The following ADAR variants were observed in gnomAD, a reference collection of about 807,000 sequenced individuals.
The protein encoded by ADAR is adenosine deaminase RNA specific, also known as double-stranded RNA-specific adenosine deaminase.
In ADAR, 41 loss-of-function variants were observed where a neutral mutation model predicts 113.2. The observed-to-expected ratio is 0.36, with a 90% confidence interval of 0.28 to 0.47. The LOEUF is 0.47. ADAR is among the 20% of genes least tolerant of loss of function. ADAR has a pLI of 1.00. For missense variants in ADAR, 1,242 were observed against 1,540.9 expected, an observed-to-expected ratio of 0.81 and a Z score of 3.25; for synonymous variants, 605 against 572.6, an observed-to-expected ratio of 1.06 and a Z score of -0.81.
At chr1:154,610,987 G>A (rs377402288), upstream of ADAR, among the ~76,000 whole-genome samples, 109 of 151,988 alleles carry the variant, frequency 7.2e-4, no homozygotes, top group East Asian at 6.6e-3. Context: ...ATACATTTAC[G>A]TTTTATTCAT....
intron 6 of ADAR, among the ~76,000 whole-genome samples, chr1:154,594,378 A>C (rs1697362666): frequency 6.6e-6 from 1 of 152,198 alleles, no homozygotes; most frequent in African/African-American, 2.4e-5. Flanking sequence ...TCCTTCAAGA[A>C]AATATTCTAG....
intron 6 of ADAR, among the ~76,000 whole-genome samples, chr1:154,592,330 C>T (rs1299519858): frequency 6.6e-6 from 1 of 152,232 alleles, no homozygotes; most frequent in African/African-American, 2.4e-5. Flanking sequence ...CTCGCTGCAA[C>T]TCCAGCCCTT....
chr1:154,619,322 A>G (rs764770347), intron 1 of ADAR, among the ~76,000 whole-genome samples: 1 of 152,184 alleles, frequency 6.6e-6, no homozygotes, highest in Non-Finnish European at 1.5e-5. Context: ...GCAAACCACA[A>G]AAACAATCTG....
chr1:154,603,897 C>T (rs1160147965), intron 1 of ADAR, among the ~76,000 whole-genome samples: 1 of 152,280 alleles, frequency 6.6e-6, no homozygotes, highest in African/African-American at 2.4e-5. Context: ...CATCCTGACA[C>T]ACTTAGGGGA....
chr1:154,600,537 A>G (rs1016309897), intron 2 of ADAR: 7 of 185,748 alleles, frequency 3.8e-5, no homozygotes, highest in Admixed American at 1.1e-4. Flanking sequence ...GCAGTGGCGC[A>G]ATCTCAGTTC....
At chr1:154,605,973 T>G in intron 1 of ADAR, 1 of 948,896 alleles carries the variant, frequency 1.1e-6, no homozygotes, top group Non-Finnish European at 1.3e-6. Context: ...AATTAAATTA[T>G]GAAACATTCA....
chr1:154,583,721 A>G lies in ADAR; in HGVS notation c.*1085T>C, dbSNP rs890227558. The G allele has an allele frequency of 6.6e-6, 1 of 152,256 alleles. No individual in the cohort carries two copies. The highest frequency in any genetic ancestry group is 1.5e-5 in the Non-Finnish European group (1 of 68,046). 9.4% of individuals were successfully genotyped at this position (152,256 alleles called of 1,614,324 possible). On this transcript the variant is annotated 3_prime_UTR_variant, in exon 15 of 15. Coordinates refer to ENST00000368474, the MANE Select transcript of ADAR (RefSeq NM_001111.5). Reference sequence around the variant, plus strand: ...GAATCAACATCTATGGCATTCTTTAAAACACTCCTAATTTACATGTGACTT... The same window carrying G: ...GAATCAACATCTATGGCATTCTTTAGAACACTCCTAATTTACATGTGACTT...
At chr1:154,588,460 AG>A in intron 10 of ADAR, 90 bp downstream of exon 10, 2 of 1,571,162 alleles carry the variant, frequency 1.3e-6, no homozygotes, top group Non-Finnish European at 1.7e-6. Context: ...TTATTGTATC[AG>A]GTTCGATTTA....
intron 11 of ADAR, among the ~76,000 whole-genome samples, chr1:154,587,229 A>G (rs149478677): frequency 7.9e-5 from 12 of 152,314 alleles, no homozygotes; most frequent in African/African-American, 2.6e-4. Flanking sequence ...TTTCATATAA[A>G]TGGAATCATA....
At position 154,591,329 on chromosome 1, in the gene ADAR, G is replaced by A. The variant is rs372932083; in HGVS notation, c.2271-920C>T. On this transcript the variant is annotated intron_variant, in intron 6 of 14. Coordinates refer to ENST00000368474, the MANE Select transcript of ADAR (RefSeq NM_001111.5). ...TCATACACTGTCTGATTTTTAAAGCGCCCAACTCCATTCCCTCATTTACTT... is the reference window on the plus strand; with the variant it reads ...TCATACACTGTCTGATTTTTAAAGCACCCAACTCCATTCCCTCATTTACTT... Among the ~76,000 whole-genome samples, 8 of 152,292 alleles carry A rather than the reference G, an allele frequency of 5.3e-5. No individual in the cohort carries two copies. The East Asian group carries it at 1.2e-3, about 22-fold the overall frequency.
intron 2 of ADAR, 42 bp downstream of exon 2, chr1:154,600,999 C>T: frequency 6.2e-7 from 1 of 1,613,242 alleles, no homozygotes; most frequent in Non-Finnish European, 8.5e-7. Flanking sequence ...AGCAAAAGCA[C>T]CTGACCCCAA....
intron 1 of ADAR, among the ~76,000 whole-genome samples, chr1:154,625,188 C>G (rs1171239931): frequency 2.0e-5 from 3 of 152,178 alleles, no homozygotes; most frequent in Non-Finnish European, 4.4e-5. Flanking sequence ...GATAATGTAT[C>G]ATTAGACAAT....
rs78030614 is a variant in ADAR, at chr1:154,624,659, T to G, written c.-871+3196A>C. 5.5e-3 allele frequency among the ~76,000 whole-genome samples: 844 copies of G among 152,304 alleles called. 9 individuals carry two copies. The highest frequency in any genetic ancestry group is 0.019 in the African/African-American group (809 of 41,554). On this transcript the variant is annotated intron_variant, in intron 1 of 14. Coordinates refer to the ADAR transcript ENST00000368471. The stretch of plus-strand genomic sequence containing the variant: ...CCAAATATTTAATTTTGAGACAAAC[T>G]TAATATTTTGAACTCTTTATCCCTG...
chr1:154,616,867 A>G (rs1206226673), intron 1 of ADAR, among the ~76,000 whole-genome samples: 1 of 152,054 alleles, frequency 6.6e-6, no homozygotes, highest in Non-Finnish European at 1.5e-5. Context: ...TTGTACTTCA[A>G]CTCTGGCTTA....
At position 154,585,937 on chromosome 1, in the gene ADAR, G is replaced by C. The variant is rs904571724; in HGVS notation, c.3203-72C>G. 12 of 1,376,362 alleles carry C rather than the reference G, an allele frequency of 8.7e-6. No individual in the cohort carries two copies. In the African/African-American group the frequency reaches 1.7e-4, roughly 20 times the overall value. The allele number at this position is 1,376,362 out of a possible 1,614,324, so 85.3% of individuals were successfully genotyped here. On this transcript the variant is annotated intron_variant, in intron 12 of 14. Coordinates refer to ENST00000368474, the MANE Select transcript of ADAR (RefSeq NM_001111.5). ...GCTGTTAAGAGGCAGAAGCATGTGGGGATTTTGGAGGTACAAGATATAGTT... is the reference window on the plus strand; with the variant it reads ...GCTGTTAAGAGGCAGAAGCATGTGGCGATTTTGGAGGTACAAGATATAGTT...
chr1:154,597,778 T>C (rs769795259), intron 4 of ADAR, 50 bp downstream of exon 4: 1 of 1,610,496 alleles, frequency 6.2e-7, no homozygotes, highest in African/African-American at 1.3e-5. Flanking sequence ...AATGTGTCTC[T>C]TTTTCTTTCT....
At chr1:154,585,663 C>T in intron 13 of ADAR, 90 bp downstream of exon 13, 1 of 1,149,426 alleles carries the variant, frequency 8.7e-7, no homozygotes, top group Non-Finnish European at 1.3e-6. Context: ...GGCAATGTTC[C>T]CCTTGCCCAC....
At chr1:154,626,504 C>T (rs1045537924) in intron 1 of ADAR, among the ~76,000 whole-genome samples, 2 of 152,162 alleles carry the variant, frequency 1.3e-5, no homozygotes, top group African/African-American at 4.8e-5. Context: ...CCCTCCACTA[C>T]CACCCCCAAG....
At chr1:154,604,117 A>G (rs1361978299) in intron 1 of ADAR, among the ~76,000 whole-genome samples, 1 of 152,232 alleles carries the variant, frequency 6.6e-6, no homozygotes, top group Non-Finnish European at 1.5e-5. Context: ...AAAGGGCCAG[A>G]CAGCTCTGCC....
Sources: allele counts gnomAD v4.1 joint callset (sites outside exome capture counted in the v4.1 genomes callset), GRCh38; gene constraint gnomAD v4.1.1; transcripts MANE v1.5; gene names NCBI Gene and HGNC (gene_info 2026-07-23, HGNC 2026-07-21).